The following EYS variants were observed in gnomAD, a reference collection of about 807,000 sequenced individuals.
The protein encoded by EYS is EGF-like photoreceptor maintenance factor.
EYS carries 250 observed loss-of-function variants against 282.1 expected under a neutral mutation model. The ratio of observed to expected loss-of-function variants is 0.89; its 90% CI spans 0.80 to 0.98. The LOEUF is 0.98. EYS is among the 50% of genes least tolerant of loss of function. The pLI is 0.00. For synonymous variants in EYS, 1,355 were observed against 1,282.9 expected (o/e 1.06, Z -1.20); for missense variants, 4,016 against 3,709.0 (o/e 1.08, Z -2.15).
At chr6:64,963,653 A>T (rs898399966) in intron 14 of EYS, among the ~76,000 whole-genome samples, 3 of 152,188 alleles carry the variant, frequency 2.0e-5, no homozygotes, top group Non-Finnish European at 4.4e-5. Context: ...GAAGCAACTC[A>T]TACAATTTTA....
Position 64,771,143 on chromosome 6 carries a change from T to C in EYS, c.3443+42235A>G, listed in dbSNP as rs140355558. Among the ~76,000 whole-genome samples, 918 of 151,838 alleles carry C rather than the reference T, an allele frequency of 6.0e-3. 4 individuals carry two copies. The highest frequency in any genetic ancestry group is 0.014 in the Middle Eastern group (4 of 294). ...TATTCAAATTCTTCACTTTTCCTTC[T>C]ATGCTATATATATAATTTCTCAAAC... On this transcript the variant is annotated intron_variant, in intron 22 of 42. Coordinates refer to ENST00000503581, the MANE Select transcript of EYS (RefSeq NM_001142800.2).
Position 64,342,991 on chromosome 6 carries a change from A to C in EYS, c.6079-35909T>G, listed in dbSNP as rs374864117. On this transcript the variant is annotated intron_variant, in intron 29 of 42. Coordinates refer to ENST00000503581, the MANE Select transcript of EYS (RefSeq NM_001142800.2). ...TACATAATGGTAAAGGGATCAATTC[A>C]ACAAGAAGAACTAACTATCCTAAAT... Among the ~76,000 whole-genome samples, 18 of 152,256 alleles carry C rather than the reference A, an allele frequency of 1.2e-4. No homozygotes were observed. The East Asian group carries it at 3.3e-3, about 28-fold the overall frequency.
At position 63,937,965 on chromosome 6, in the gene EYS, A is replaced by G. The variant is rs1440083086; in HGVS notation, c.7055+46418T>C. Among the ~76,000 whole-genome samples, 5 of 152,220 alleles carry G rather than the reference A, an allele frequency of 3.3e-5. No homozygotes were observed. The East Asian group carries it at 9.6e-4, about 29-fold the overall frequency. On this transcript the variant is annotated intron_variant, in intron 35 of 42. Transcript: ENST00000503581. The stretch of plus-strand genomic sequence containing the variant: ...TGTGTCAAAATTGAGAAGAGCGTGC[A>G]CTGACTAGCTGATAAAATCAATTCC...
rs1766451544 is a variant in EYS at position 64,592,734 on chromosome 6, TGTTA to T, written c.3877+379_3877+382del. Among the ~76,000 whole-genome samples the T allele has an allele frequency of 2.0e-5, 3 of 152,070 alleles. No individual in the cohort carries two copies. The South Asian group carries it at 6.2e-4, about 31-fold the overall frequency. The stretch of plus-strand genomic sequence containing the variant: ...AATAAGCACATATCTTTTATCTGAG[TGTTA>T]GTCAAATAATTTGATAGGAATATAA... On this transcript the variant is annotated intron_variant, in intron 25 of 42. Coordinates refer to ENST00000503581, the MANE Select transcript of EYS (RefSeq NM_001142800.2).
At chr6:64,082,431 G>A (rs907317171) in intron 31 of EYS, among the ~76,000 whole-genome samples, 3 of 152,012 alleles carry the variant, frequency 2.0e-5, no homozygotes, top group Admixed American at 1.3e-4. Flanking sequence ...GAGATATTTT[G>A]ATACAGGAAT....
intron 35 of EYS, among the ~76,000 whole-genome samples, chr6:63,942,005 T>C (rs1230332373): frequency 6.6e-6 from 1 of 152,186 alleles, no homozygotes; most frequent in Non-Finnish European, 1.5e-5. Flanking sequence ...GTACAATGAG[T>C]TAAACACTAA....
chr6:64,815,373 G>T (rs139288928), intron 21 of EYS: 3 of 228,042 alleles, frequency 1.3e-5, no homozygotes, highest in East Asian at 1.4e-4. Flanking sequence ...GATATGTATA[G>T]AATGATTTAT....
intron 12 of EYS, among the ~76,000 whole-genome samples, chr6:65,274,999 A>G (rs1768008666): frequency 6.6e-6 from 1 of 152,000 alleles, no homozygotes; most frequent in South Asian, 2.1e-4. Flanking sequence ...ATTCCCATTT[A>G]CCTAGTGATC....
intron 12 of EYS, among the ~76,000 whole-genome samples, chr6:65,281,440 A>G (rs554431559): frequency 2.0e-5 from 3 of 152,160 alleles, no homozygotes; most frequent in Non-Finnish European, 2.9e-5. Context: ...ACTGAAAATT[A>G]CTTTGAAATA....
At chr6:64,871,056 C>T (rs1408037663) in intron 19 of EYS, among the ~76,000 whole-genome samples, 3 of 151,768 alleles carry the variant, frequency 2.0e-5, no homozygotes, top group African/African-American at 4.8e-5. Context: ...TTACATTCAA[C>T]TGAGTAAAGT....
chr6:64,100,530 C>A (rs1772789928), intron 31 of EYS, among the ~76,000 whole-genome samples: 1 of 151,938 alleles, frequency 6.6e-6, no homozygotes. Context: ...GCCTGGGGAG[C>A]TCATCTGTTT....
chr6:65,181,481 G>A (rs841521), intron 12 of EYS, among the ~76,000 whole-genome samples: 2,861 of 152,060 alleles, frequency 0.019, 71 homozygotes, highest in African/African-American at 0.065. Context: ...TGGCCATCAG[G>A]GAAATGCAAA....
At chr6:63,947,121 T>G (rs1436789488) in intron 35 of EYS, among the ~76,000 whole-genome samples, 2 of 152,098 alleles carry the variant, frequency 1.3e-5, no homozygotes, top group Non-Finnish European at 2.9e-5. Context: ...AACAACATAC[T>G]TTTTAAGAAA....
intron 26 of EYS, among the ~76,000 whole-genome samples, chr6:64,531,621 CAG>C (rs1764343911): frequency 9.0e-6 from 1 of 110,738 alleles, no homozygotes; most frequent in African/African-American, 2.9e-5. Flanking sequence ...TTAGTAGAGA[CAG>C]GGTTTCACCG....
intron 31 of EYS, among the ~76,000 whole-genome samples, chr6:64,186,536 T>C (rs575641898): frequency 6.6e-6 from 1 of 152,270 alleles, no homozygotes; most frequent in African/African-American, 2.4e-5. Flanking sequence ...GCATCTTCCT[T>C]TTTCTTTGTT....
intron 12 of EYS, among the ~76,000 whole-genome samples, chr6:65,091,271 TAAAAAAA>T (rs397887871): frequency 1.2e-4 from 7 of 56,418 alleles, no homozygotes; most frequent in Non-Finnish European, 2.3e-4. Flanking sequence ...CCATCTCCCC[TAAAAAAA>T]AAAAAAAAAA....
chr6:64,578,186 C>T (rs779226961), intron 26 of EYS, among the ~76,000 whole-genome samples: 61 of 152,150 alleles, frequency 4.0e-4, no homozygotes, highest in Middle Eastern at 6.8e-3. Flanking sequence ...TTTCACTTCT[C>T]TGCTTAAACC....
intron 35 of EYS, among the ~76,000 whole-genome samples, chr6:63,869,366 T>C (rs937041232): frequency 1.3e-5 from 2 of 151,928 alleles, no homozygotes; most frequent in Admixed American, 6.6e-5. Flanking sequence ...TCCCTCTTCC[T>C]TCTTTCTTTC....
chr6:65,241,499 C>G (rs1256044371), intron 12 of EYS, among the ~76,000 whole-genome samples: 2 of 152,064 alleles, frequency 1.3e-5, no homozygotes, highest in East Asian at 3.9e-4. Context: ...TTTTTAAAAT[C>G]AAGACCCACC....
Sources: gnomAD v4.1 joint callset for allele counts (sites outside exome capture counted in the v4.1 genomes callset) on GRCh38, gnomAD v4.1.1 for gene constraint, MANE v1.5 for transcripts, NCBI Gene and HGNC (gene_info 2026-07-23, HGNC 2026-07-21) for gene names.